ADGRL2: variants seen among roughly 807,000 people sequenced by gnomAD.
The protein encoded by ADGRL2 is calcium-independent alpha-latrotoxin receptor 2.
In ADGRL2, 44 loss-of-function variants were observed where a neutral mutation model predicts 157.4. The ratio of observed to expected loss-of-function variants is 0.28; its 90% CI spans 0.22 to 0.36. The LOEUF (loss-of-function observed/expected upper bound fraction) is 0.36. ADGRL2 is among the 10% of genes least tolerant of loss of function. The pLI is 1.00. For synonymous variants in ADGRL2, 585 were observed against 624.7 expected (o/e 0.94, Z 0.95); for missense variants, 1,510 against 1,768.9 (o/e 0.85, Z 2.63).
At chr1:81,688,447 C>T (rs927305028) in intron 3 of ADGRL2, among the ~76,000 whole-genome samples, 1 of 152,098 alleles carries the variant, frequency 6.6e-6, no homozygotes, top group Admixed American at 6.5e-5. Context: ...CTTTCTTCTA[C>T]TTGTTCAATT....
At chr1:81,374,437 T>C (rs1035436436) in intron 1 of ADGRL2, among the ~76,000 whole-genome samples, 23 of 152,024 alleles carry the variant, frequency 1.5e-4, no homozygotes, top group Non-Finnish European at 2.8e-4. Flanking sequence ...CCGGACGTGG[T>C]GGCGGGCACC....
At chr1:81,706,523 A>C (rs986586778) in intron 1 of ADGRL2, among the ~76,000 whole-genome samples, 4 of 152,212 alleles carry the variant, frequency 2.6e-5, no homozygotes, top group Non-Finnish European at 5.9e-5. Flanking sequence ...TGTATTTAGC[A>C]CTGAGAAGAC....
At chr1:81,802,740 A>G (rs950899191) in intron 1 of ADGRL2, among the ~76,000 whole-genome samples, 13 of 152,046 alleles carry the variant, frequency 8.6e-5, no homozygotes, top group Non-Finnish European at 1.8e-4. Flanking sequence ...CCGCACTGTA[A>G]GTGGAGCGGG....
chr1:81,694,600 C>A (rs1029493175), intron 3 of ADGRL2, among the ~76,000 whole-genome samples: 1 of 151,970 alleles, frequency 6.6e-6, no homozygotes, highest in African/African-American at 2.4e-5. Context: ...AAATCTCAAA[C>A]CTAATATGCC....
chr1:81,942,794 C>T lies in ADGRL2; in HGVS notation c.410-175C>T, dbSNP rs1357604186. 5.9e-6 allele frequency: 4 copies of T among 677,744 alleles called. No individual in the cohort carries two copies. The South Asian group carries it at 6.1e-5, about 10-fold the overall frequency. 42.0% of individuals were successfully genotyped at this position (677,744 alleles called of 1,614,324 possible). On this transcript the variant is annotated intron_variant, in intron 5 of 23. Coordinates refer to ENST00000686636, the MANE Select transcript of ADGRL2 (RefSeq NM_001366006.2). ...ACTTCAGTTACTTTGTACCCTGATA[C>T]ACTGATTATGCTAACTTTAGAAAAG...
intron 2 of ADGRL2, among the ~76,000 whole-genome samples, chr1:81,882,489 T>C (rs985784795): frequency 4.6e-5 from 7 of 152,108 alleles, no homozygotes; most frequent in African/African-American, 1.7e-4. Context: ...AAACAGTAAA[T>C]GTGAAAGCAA....
At chr1:81,763,195 T>C (rs1291652017) in intron 2 of ADGRL2, among the ~76,000 whole-genome samples, 3 of 152,066 alleles carry the variant, frequency 2.0e-5, no homozygotes, top group Non-Finnish European at 4.4e-5. Flanking sequence ...ATTATTTGAA[T>C]AATAAGCTAT....
chr1:81,639,264 T>A (rs2082170881), intron 3 of ADGRL2, among the ~76,000 whole-genome samples: 1 of 152,042 alleles, frequency 6.6e-6, no homozygotes. Context: ...AGAGACGGTG[T>A]TTCACCATGT....
chr1:81,872,242 T>C (rs1255136305), intron 2 of ADGRL2, among the ~76,000 whole-genome samples: 3 of 152,204 alleles, frequency 2.0e-5, no homozygotes, highest in Admixed American at 2.0e-4. Context: ...CAGATGGTTG[T>C]AGATGTGTGG....
chr1:81,469,001 C>T (rs1316158351), intron 2 of ADGRL2, among the ~76,000 whole-genome samples: 1 of 152,146 alleles, frequency 6.6e-6, no homozygotes, highest in Non-Finnish European at 1.5e-5. Context: ...CTTCCCACAT[C>T]ACGAGATGAC....
intron 2 of ADGRL2, among the ~76,000 whole-genome samples, chr1:81,454,067 A>G (rs1462371312): frequency 6.6e-6 from 1 of 152,182 alleles, no homozygotes; most frequent in African/African-American, 2.4e-5. Flanking sequence ...AAGAAATTGA[A>G]TGAGGATTAC....
In ADGRL2 at chr1:81,993,821, T is replaced by TA. The variant is rs1419983864; in HGVS notation, c.*2677dup. Among the ~76,000 whole-genome samples the TA allele has an allele frequency of 1.3e-5, 2 of 152,148 alleles. No homozygotes were observed. On this transcript the variant is annotated 3_prime_UTR_variant, in exon 24 of 24. Transcript: ENST00000686636. The stretch of plus-strand genomic sequence containing the variant: ...CATTCTTGATTGTTTCTCTTTGTGA[T>TA]AGTCACAACTGTGAACTTATAAAGT...
At chr1:81,602,454 G>A (rs915720151) in intron 3 of ADGRL2, among the ~76,000 whole-genome samples, 6 of 152,196 alleles carry the variant, frequency 3.9e-5, no homozygotes, top group Non-Finnish European at 5.9e-5. Context: ...ATAGCCCGGC[G>A]TGGTGGTGGG....
intron 2 of ADGRL2, among the ~76,000 whole-genome samples, chr1:81,485,994 G>GTTTT (rs538250719): frequency 6.6e-6 from 1 of 151,870 alleles, no homozygotes; most frequent in Non-Finnish European, 1.5e-5. Flanking sequence ...AACTTCAAAA[G>GTTTT]TTTTTTTTAT....
intron 1 of ADGRL2, among the ~76,000 whole-genome samples, chr1:81,821,675 T>G (rs1440912420): frequency 6.6e-6 from 1 of 152,186 alleles, no homozygotes; most frequent in Non-Finnish European, 1.5e-5. Context: ...GTTTCAAGAT[T>G]TTAATTTGGT....
At chr1:81,666,341 G>T (rs2082750099) in intron 3 of ADGRL2, among the ~76,000 whole-genome samples, 1 of 152,104 alleles carries the variant, frequency 6.6e-6, no homozygotes, top group South Asian at 2.1e-4. Flanking sequence ...ATGCCCCTCT[G>T]TATTTCCTCA....
At position 81,403,357 on chromosome 1, in the gene ADGRL2, C is replaced by A. The variant is rs139056336; in HGVS notation, c.-301-41679C>A. On this transcript the variant is annotated intron_variant, in intron 1 of 24. Coordinates refer to the ADGRL2 transcript ENST00000370721. Reference sequence around the variant, plus strand: ...TCAGCTCGCTGCAACCTCCTCCTCTCGGGCTCAAGAGATTCTCATACCTCA... The same window carrying A: ...TCAGCTCGCTGCAACCTCCTCCTCTAGGGCTCAAGAGATTCTCATACCTCA... Among the ~76,000 whole-genome samples, 271 of 152,134 alleles carry A rather than the reference C, an allele frequency of 1.8e-3. 4 individuals are homozygous for A. The East Asian group carries it at 0.039, about 22-fold the overall frequency.
intron 2 of ADGRL2, among the ~76,000 whole-genome samples, chr1:81,775,581 G>T (rs563527950): frequency 6.7e-6 from 1 of 149,300 alleles, no homozygotes; most frequent in African/African-American, 2.5e-5. Context: ...AGAGGTCCTG[G>T]TTTAAAAAAA....
chr1:81,364,285 G>T (rs930034458), intron 1 of ADGRL2, among the ~76,000 whole-genome samples: 3 of 151,676 alleles, frequency 2.0e-5, no homozygotes, highest in Non-Finnish European at 4.4e-5. Context: ...CTCACCATTT[G>T]TGTTATGACC....
Sources: allele counts gnomAD v4.1 joint callset (sites outside exome capture counted in the v4.1 genomes callset), GRCh38; gene constraint gnomAD v4.1.1; transcripts MANE v1.5; gene names NCBI Gene and HGNC (gene_info 2026-07-23, HGNC 2026-07-21).